MACROD2: variants seen among roughly 807,000 people sequenced by gnomAD.
The protein encoded by MACROD2 is ADP-ribose glycohydrolase MACROD2.
Under a neutral mutation model 70.4 loss-of-function variants are expected in MACROD2, and 36 were observed. The observed-to-expected ratio is 0.51, with a 90% CI of 0.39 to 0.68. The LOEUF (loss-of-function observed/expected upper bound fraction) is 0.68, where lower values mean the gene tolerates loss of function less well. Ranked by LOEUF, MACROD2 falls within the 30% of genes least tolerant of loss-of-function variation. MACROD2 has a pLI of 0.00. For missense variants in MACROD2, 496 were observed against 538.4 expected (o/e 0.92, Z 0.78); for synonymous variants, 172 against 178.8 (o/e 0.96, Z 0.30).
intron 6 of MACROD2, among the ~76,000 whole-genome samples, chr20:15,361,614 G>A (rs1181359090): frequency 6.6e-6 from 1 of 152,062 alleles, no homozygotes; most frequent in Non-Finnish European, 1.5e-5. Context: ...AATTTTTATT[G>A]GAATTGTGTT....
intron 6 of MACROD2, among the ~76,000 whole-genome samples, chr20:15,414,929 T>C (rs2046126412): frequency 1.3e-5 from 2 of 152,192 alleles, no homozygotes; most frequent in Non-Finnish European, 2.9e-5. Flanking sequence ...TATGCCTAAA[T>C]GATTGGATAC....
chr20:15,579,987 CCT>C (rs2048502112), intron 8 of MACROD2, among the ~76,000 whole-genome samples: 1 of 152,124 alleles, frequency 6.6e-6, no homozygotes, highest in Admixed American at 6.6e-5. Flanking sequence ...ATGCAAGAGT[CCT>C]ATATCTTTAG....
At chr20:14,816,863 G>A (rs1458093781) in intron 5 of MACROD2, among the ~76,000 whole-genome samples, 1 of 151,330 alleles carries the variant, frequency 6.6e-6, no homozygotes, top group African/African-American at 2.4e-5. Context: ...TTTGAGTTGT[G>A]TAAACTGAAA....
chr20:15,218,906 C>T (rs1228076493), intron 5 of MACROD2, among the ~76,000 whole-genome samples: 2 of 152,034 alleles, frequency 1.3e-5, no homozygotes, highest in Admixed American at 6.6e-5. Flanking sequence ...ATTAGCCAGG[C>T]GTGGCGGCGT....
chr20:14,363,773 C>T lies in MACROD2; in HGVS notation c.272-129706C>T, dbSNP rs543202706. Reference sequence around the variant, plus strand: ...CGGAGCTTGCAGTGAGCAGACATCGCGCCACTGCACTCCAGCCTGGGCGAC... The same window carrying T: ...CGGAGCTTGCAGTGAGCAGACATCGTGCCACTGCACTCCAGCCTGGGCGAC... On this transcript the variant is annotated intron_variant, in intron 3 of 17. Transcript: ENST00000684519. Among the ~76,000 whole-genome samples the T allele has an allele frequency of 5.2e-5, 7 of 134,598 alleles. No homozygotes were observed. In the East Asian group the frequency reaches 9.0e-4, roughly 17 times the overall value. The allele number at this position is 134,598 out of a possible 152,430, so 88.3% of individuals were successfully genotyped here. A position where few individuals can be genotyped will look rare whatever the true frequency, so the allele number is the denominator to read the frequency against.
intron 8 of MACROD2, among the ~76,000 whole-genome samples, chr20:15,794,831 T>G (rs1307895265): frequency 6.6e-6 from 1 of 152,158 alleles, no homozygotes; most frequent in East Asian, 1.9e-4. Flanking sequence ...AGAACGCTAT[T>G]TCTCTCAAAC....
intron 5 of MACROD2, among the ~76,000 whole-genome samples, chr20:15,100,366 C>T (rs562504875): frequency 3.3e-4 from 50 of 152,220 alleles, no homozygotes; most frequent in African/African-American, 1.2e-3. Flanking sequence ...AGTTGAGGAG[C>T]ACTTAAAATA....
At position 14,785,958 on chromosome 20, in the gene MACROD2, C is replaced by T. The variant is rs192891835; in HGVS notation, c.418+100999C>T. ...CTTCAGTACATCAGCAGCTTACTTT[C>T]TCTTGGCCACCTCTATCAAAAAACA... On this transcript the variant is annotated intron_variant, in intron 5 of 17. Coordinates refer to ENST00000684519, the MANE Select transcript of MACROD2 (RefSeq NM_001351661.2). Among the ~76,000 whole-genome samples the T allele has an allele frequency of 1.1e-4, 16 of 152,104 alleles. No individual in the cohort carries two copies. The East Asian group carries it at 3.1e-3, about 29-fold the overall frequency.
chr20:14,240,178 CA>C (rs1241125311), intron 3 of MACROD2, among the ~76,000 whole-genome samples: 1 of 151,852 alleles, frequency 6.6e-6, no homozygotes, highest in African/African-American at 2.4e-5. Flanking sequence ...ATTAAAAAGT[CA>C]AAAAAATAAC....
chr20:14,778,491 C>T (rs980057876), intron 5 of MACROD2, among the ~76,000 whole-genome samples: 2 of 151,976 alleles, frequency 1.3e-5, no homozygotes, highest in African/African-American at 2.4e-5. Flanking sequence ...AAAATGAATC[C>T]TCAAGTTGTC....
At chr20:14,808,305 C>G (rs956670871) in intron 5 of MACROD2, among the ~76,000 whole-genome samples, 9 of 152,038 alleles carry the variant, frequency 5.9e-5, no homozygotes, top group African/African-American at 2.2e-4. Flanking sequence ...AAATAATTTT[C>G]AACCCAGAAT....
chr20:15,512,610 T>C (rs924560062), intron 8 of MACROD2, among the ~76,000 whole-genome samples: 2 of 152,260 alleles, frequency 1.3e-5, no homozygotes, highest in Admixed American at 6.5e-5. Flanking sequence ...TCCCTGGACA[T>C]GAAGGTGCCA....
chr20:14,330,224 A>C (rs1018132678), intron 3 of MACROD2, among the ~76,000 whole-genome samples: 1 of 151,998 alleles, frequency 6.6e-6, no homozygotes, highest in African/African-American at 2.4e-5. Context: ...GACTAAAGAG[A>C]TCATTGAATT....
At chr20:15,051,134 T>C (rs1354095602) in intron 5 of MACROD2, among the ~76,000 whole-genome samples, 2 of 152,146 alleles carry the variant, frequency 1.3e-5, no homozygotes, top group African/African-American at 2.4e-5. Context: ...ATTTAACTAA[T>C]GTAAGTATTA....
At chr20:14,286,980 G>A (rs1009059931) in intron 3 of MACROD2, among the ~76,000 whole-genome samples, 1 of 151,958 alleles carries the variant, frequency 6.6e-6, no homozygotes, top group Admixed American at 6.6e-5. Flanking sequence ...GTCTTCTAAC[G>A]GTTGTTTTGC....
chr20:14,710,757 A>G (rs945843147), intron 5 of MACROD2, among the ~76,000 whole-genome samples: 1 of 152,000 alleles, frequency 6.6e-6, no homozygotes, highest in Non-Finnish European at 1.5e-5. Flanking sequence ...TACTTCCTTT[A>G]CCTACTCACT....
chr20:15,803,796 A>G (rs1043882383), intron 8 of MACROD2, among the ~76,000 whole-genome samples: 1 of 152,196 alleles, frequency 6.6e-6, no homozygotes, highest in Non-Finnish European at 1.5e-5. Context: ...AGTCCATTAC[A>G]CTGAACTTTG....
chr20:14,325,523 C>T (rs756492451), intron 3 of MACROD2: 3 of 1,566,056 alleles, frequency 1.9e-6, no homozygotes, highest in South Asian at 1.2e-5. Context: ...GTTTAAAAAA[C>T]CCAAAACACA....
At chr20:14,985,977 A>G (rs1478035663) in intron 5 of MACROD2, among the ~76,000 whole-genome samples, 1 of 152,016 alleles carries the variant, frequency 6.6e-6, no homozygotes, top group Non-Finnish European at 1.5e-5. Context: ...TTGTAGTGCA[A>G]CATATTTGGG....
Sources: allele counts gnomAD v4.1 joint callset (sites outside exome capture counted in the v4.1 genomes callset), GRCh38; gene constraint gnomAD v4.1.1; transcripts MANE v1.5; gene names NCBI Gene and HGNC (gene_info 2026-07-23, HGNC 2026-07-21).